Variants in TNRC18 observed in about 807,000 individuals in gnomAD.
The protein encoded by TNRC18 is trinucleotide repeat containing 18, also known as trinucleotide repeat-containing gene 18 protein.
TNRC18 carries 69 observed loss-of-function variants against 226.7 expected under a neutral mutation model. That is an observed-to-expected ratio of 0.30 (90% CI 0.25 to 0.37). TNRC18 has a LOEUF of 0.37. Among genes scored for constraint, TNRC18 ranks in the 10% least tolerant of loss-of-function variants. The pLI is 1.00. For synonymous variants in TNRC18, 2,449 were observed against 1,927.6 expected, an observed-to-expected ratio of 1.27 and a Z score of -7.09; for missense variants, 4,754 against 4,256.6, an observed-to-expected ratio of 1.12 and a Z score of -3.25.
chr7:5,390,202 G>A, intron 4 of TNRC18: 1 of 517,178 alleles, frequency 1.9e-6, no homozygotes, highest in Non-Finnish European at 3.4e-6. Flanking sequence ...CACCTCTACA[G>A]AAAAGTTAAA....
intron 5 of TNRC18, among the ~76,000 whole-genome samples, chr7:5,387,038 G>A (rs1467725127): frequency 6.6e-6 from 1 of 152,016 alleles, no homozygotes; most frequent in Non-Finnish European, 1.5e-5. Flanking sequence ...CGTGCCATTG[G>A]ACTCCAGCCT....
At chr7:5,310,583 G>C (rs1282896225) in intron 27 of TNRC18, among the ~76,000 whole-genome samples, 1 of 151,962 alleles carries the variant, frequency 6.6e-6, no homozygotes, top group Non-Finnish European at 1.5e-5. Context: ...TGCCCAGGTT[G>C]GAGTGTAGTG....
Position 5,374,297 on chromosome 7 carries a change from G to C in TNRC18, c.2987C>G (p.Pro996Arg). The C allele has an allele frequency of 6.9e-7, 1 of 1,457,456 alleles. No homozygotes were observed. Among genetic ancestry groups the C allele is most frequent in the Non-Finnish European group, 9.0e-7 (1 of 1,108,654 alleles). The allele number at this position is 1,457,456 out of a possible 1,614,324, so 90.3% of individuals were successfully genotyped here. A position where few individuals can be genotyped will look rare whatever the true frequency, so the allele number is the denominator to read the frequency against. ...YGKAVSPPPS[P>R]RASPVAALKA... is the part of the protein sequence containing the mutation. The stretch of plus-strand genomic sequence containing the variant: ...CAGGGCAGCCACAGGGGATGCGCGG[G>C]GTGATGGTGGCGGGCTCACGGCCTT... The change falls in exon 10 of 30, where the codon CCC becomes CGC. Residue 996 changes from proline (P) to arginine (R), a missense_variant. Physicochemically the swap from Pro to Arg is moderately radical, Grantham distance 103. Coordinates refer to ENST00000430969, the MANE Select transcript of TNRC18 (RefSeq NM_001080495.3).
rs748966765 is a variant in TNRC18 at position 5,376,885 on chromosome 7, T to C, written c.2570A>G (p.Gln857Arg). Reference sequence around the variant, plus strand: ...GTGATCACTGGGAATGACCACCAGCTGGCCCGATTGGGGGTCCCTGACAAA... The same window carrying C: ...GTGATCACTGGGAATGACCACCAGCCGGCCCGATTGGGGGTCCCTGACAAA... ...YQFVRDPQSG[Q>R]LVVIPSDHLP... Residue 857 changes from glutamine (Q) to arginine (R), a missense_variant, in exon 8 of 30, where the codon CAG becomes CGG. Physicochemically the swap from Gln to Arg is conservative, Grantham distance 43. Coordinates refer to ENST00000430969, the MANE Select transcript of TNRC18 (RefSeq NM_001080495.3). The C allele has an allele frequency of 6.8e-6, 11 of 1,611,278 alleles. No homozygotes were observed. The highest frequency in any genetic ancestry group is 2.2e-5 in the East Asian group (1 of 44,792).
At chr7:5,415,271 G>C (rs1782105974) in intron 2 of TNRC18, among the ~76,000 whole-genome samples, 1 of 151,542 alleles carries the variant, frequency 6.6e-6, no homozygotes, top group South Asian at 2.1e-4. Flanking sequence ...CACCCCTCCA[G>C]ATCAGTCGGG....
rs1176615367 is a variant in TNRC18, at chr7:5,320,420, C to T, written c.6643G>A (p.Asp2215Asn). 6 of 1,561,466 alleles carry T rather than the reference C, an allele frequency of 3.8e-6. No homozygotes were observed. Among genetic ancestry groups the T allele is most frequent in the South Asian group, 2.4e-5 (2 of 84,634 alleles). Residue 2215 changes from aspartate to asparagine, a missense_variant, in exon 24 of 30, where the codon GAT (aspartate) becomes AAT (asparagine). Coordinates refer to ENST00000430969, the MANE Select transcript of TNRC18 (RefSeq NM_001080495.3). ...LEQLLQEAII[D>N]VRPASTRFLP... ...AAGCGAGTGGAGGCTGGCCTCACAT[C>T]GATGATCTAGAAGGGCATGGGATGA...
intron 5 of TNRC18, among the ~76,000 whole-genome samples, chr7:5,386,653 G>C (rs1779812312): frequency 6.6e-6 from 1 of 152,008 alleles, no homozygotes; most frequent in Non-Finnish European, 1.5e-5. Flanking sequence ...GGGAGGCTAA[G>C]GTTGGAGGAT....
At chr7:5,323,062 C>T (rs1333775424) in intron 21 of TNRC18, among the ~76,000 whole-genome samples, 1 of 152,206 alleles carries the variant, frequency 6.6e-6, no homozygotes, top group Non-Finnish European at 1.5e-5. Flanking sequence ...CCCATCACCG[C>T]AGGAGCAAGG....
rs984845070 is a variant in TNRC18 at position 5,309,609 on chromosome 7, CTTCTTATTT to C, written c.8389-250_8389-242del. On this transcript the variant is annotated intron_variant, in intron 27 of 29. Coordinates refer to ENST00000430969, the MANE Select transcript of TNRC18 (RefSeq NM_001080495.3). The surrounding 1 kb of genome is among the most constrained non-coding windows in gnomAD (Gnocchi z 5.7). Reference sequence around the variant, plus strand: ...ATCTAAGCATTCTGCCGCTACAAGACTTCTTATTTTTGAGACAGGGTCTCCCTCTGTTGC... The same window carrying C: ...ATCTAAGCATTCTGCCGCTACAAGACTTGAGACAGGGTCTCCCTCTGTTGC... Among the ~76,000 whole-genome samples, 2 of 152,266 alleles carry C rather than the reference CTTCTTATTT, an allele frequency of 1.3e-5. No homozygotes were observed. The highest frequency in any genetic ancestry group is 4.8e-5 in the African/African-American group (2 of 41,474).
At chr7:5,366,567 G>T (rs371900584) in intron 11 of TNRC18, among the ~76,000 whole-genome samples, 1 of 151,770 alleles carries the variant, frequency 6.6e-6, no homozygotes, top group African/African-American at 2.4e-5. Context: ...CAAGTGATCC[G>T]CCTGCCTTGG....
Position 5,387,875 on chromosome 7 carries a change from T to C in TNRC18, c.1949A>G (p.Gln650Arg). The change falls in exon 5 of 30, where the codon CAG becomes CGG. Residue 650 changes from glutamine to arginine, a missense_variant. Coordinates refer to ENST00000430969, the MANE Select transcript of TNRC18 (RefSeq NM_001080495.3). ...SGGPAAGGGR[Q>R]LKRDPERPES... ...GGGCCTCTCGGGGTCCCGCTTCAGC[T>C]GCCGGCCGCCGCCCGCTGCAGGGCC... 1.3e-6 allele frequency: 2 copies of C among 1,594,190 alleles called. No individual in the cohort carries two copies. Among genetic ancestry groups the C allele is most frequent in the Non-Finnish European group, 1.7e-6 (2 of 1,172,800 alleles).
At chr7:5,327,736 A>G (rs1011173842) in intron 19 of TNRC18, among the ~76,000 whole-genome samples, 105 of 151,992 alleles carry the variant, frequency 6.9e-4, no homozygotes, top group African/African-American at 2.3e-3. Flanking sequence ...GCCTTCCCCT[A>G]CTTTTTTGTA....
In TNRC18 at chr7:5,377,555, G is replaced by A. The variant is rs1779078727; in HGVS notation, c.2277C>T (p.Asp759=). 6.3e-7 allele frequency: 1 copy of A among 1,585,676 alleles called. No homozygotes were observed. Among genetic ancestry groups the A allele is most frequent in the Non-Finnish European group, 8.6e-7 (1 of 1,166,332 alleles). Residue 759 remains aspartate (D), a synonymous_variant, in exon 7 of 30, where the codon GAC becomes GAT. Coordinates refer to ENST00000430969, the MANE Select transcript of TNRC18 (RefSeq NM_001080495.3). The surrounding 1 kb of genome is among the most constrained non-coding windows in gnomAD (Gnocchi z 5.8). ...KLLRESKELA[D]LARLHPTSCA... ...AGCTGGTAGGGTGCAGGCGGGCCAG[G>A]TCAGCCAGCTCCTTACTCTCTCTGG...
intron 18 of TNRC18, among the ~76,000 whole-genome samples, chr7:5,340,833 C>T (rs1469500539): frequency 6.6e-6 from 1 of 152,040 alleles, no homozygotes; most frequent in Non-Finnish European, 1.5e-5. Context: ...GAAGCTGCAG[C>T]GAGTTCTCCA....
chr7:5,326,062 C>G (rs1439039027), intron 19 of TNRC18, among the ~76,000 whole-genome samples: 1 of 151,942 alleles, frequency 6.6e-6, no homozygotes, highest in Non-Finnish European at 1.5e-5. Flanking sequence ...ACTTGTTGCC[C>G]CGTCTGCCCA....
chr7:5,309,083 T>C lies in TNRC18; in HGVS notation c.8625+49A>G. 1 of 1,539,516 alleles carries C rather than the reference T, an allele frequency of 6.5e-7. No homozygotes were observed. The highest frequency in any genetic ancestry group is 8.8e-7 in the Non-Finnish European group (1 of 1,134,654). ...ACCCAGAACGCCTCGCCCTCAGGTC[T>C]GCCCTACACCGCCTAGGACTGGGGG... On this transcript the variant is annotated intron_variant, in intron 28 of 29. Transcript: ENST00000430969. The surrounding 1 kb of genome is among the most constrained non-coding windows in gnomAD (Gnocchi z 5.7).
chr7:5,402,120 C>T (rs949940229), intron 2 of TNRC18, among the ~76,000 whole-genome samples: 1 of 143,000 alleles, frequency 7.0e-6, no homozygotes. Flanking sequence ...CGGAGCATGC[C>T]GTGAGCTGAG....
rs1780178151 is a variant in TNRC18, at chr7:5,390,131, A to G, written c.487+354T>C. On this transcript the variant is annotated intron_variant, in intron 4 of 29. Coordinates refer to ENST00000430969, the MANE Select transcript of TNRC18 (RefSeq NM_001080495.3). ...GTAATCCCAGCACTTTGGAAAGCCG[A>G]GGTAGGAGGATTGCTTGAGGCCAGG... 3 of 427,098 alleles carry G rather than the reference A, an allele frequency of 7.0e-6. No homozygotes were observed. In the East Asian group the frequency reaches 1.1e-4, roughly 15 times the overall value. 26.5% of individuals were successfully genotyped at this position (427,098 alleles called of 1,614,324 possible).
At position 5,362,705 on chromosome 7, in the gene TNRC18, G is replaced by C. The variant is rs777449440; in HGVS notation, c.4340C>G (p.Pro1447Arg). The C allele has an allele frequency of 1.3e-6, 2 of 1,581,988 alleles. No individual in the cohort carries two copies. Among genetic ancestry groups the C allele is most frequent in the Non-Finnish European group, 8.6e-7 (1 of 1,165,094 alleles). ...CTTCTTGTTGGGCTTCAGCTCCCGC[G>C]GGAGCCGCAGGTTCTTGAGTGGGTC... ...VVDPLKNLRL[P>R]RELKPNKKYS... The change falls in exon 12 of 30, where the codon CCG (proline) becomes CGG (arginine). Residue 1447 changes from proline (P) to arginine (R), a missense_variant. Physicochemically the swap from Pro to Arg is moderately radical, Grantham distance 103. Coordinates refer to ENST00000430969, the MANE Select transcript of TNRC18 (RefSeq NM_001080495.3).
Sources: gnomAD v4.1 joint callset for allele counts (sites outside exome capture counted in the v4.1 genomes callset) on GRCh38, gnomAD v4.1.1 for gene constraint, Gnocchi (gnomAD v3.1) non-coding constraint, MANE v1.5 for transcripts, NCBI Gene and HGNC (gene_info 2026-07-23, HGNC 2026-07-21) for gene names.